CA10: variants seen among roughly 807,000 people sequenced by gnomAD.
The protein encoded by CA10 is carbonic anhydrase 10 (inactive).
In CA10, 14 loss-of-function variants were observed where a neutral mutation model predicts 44.2. The ratio of observed to expected loss-of-function variants is 0.32; its 90% CI spans 0.21 to 0.50. The LOEUF (loss-of-function observed/expected upper bound fraction) is 0.50. CA10 is among the 20% of genes least tolerant of loss of function. CA10 has a pLI of 0.99. For missense variants in CA10, 350 were observed against 409.7 expected (o/e 0.85, Z 1.26); for synonymous variants, 159 against 141.6 (o/e 1.12, Z -0.87).
At chr17:52,053,822 C>CT (rs1269517575) in intron 2 of CA10, among the ~76,000 whole-genome samples, 1 of 152,058 alleles carries the variant, frequency 6.6e-6, no homozygotes, top group East Asian at 1.9e-4. Context: ...TCATGCCCAT[C>CT]TTTACTGCAA....
At chr17:51,768,148 G>C (rs951084286) in intron 3 of CA10, among the ~76,000 whole-genome samples, 3 of 151,520 alleles carry the variant, frequency 2.0e-5, no homozygotes, top group Non-Finnish European at 4.4e-5. Context: ...TTGTAGCCTG[G>C]ATCCACATAA....
chr17:51,630,846 A>G lies in CA10; in HGVS notation c.*738T>C, dbSNP rs1051933431. On this transcript the variant is annotated 3_prime_UTR_variant, in exon 9 of 9. Transcript: ENST00000451037. Reference sequence around the variant, plus strand: ...ATGTATGACCTTTGGAAAACAAGAAACAGCAAATGGATCATTTCTGATCTT... The same window carrying G: ...ATGTATGACCTTTGGAAAACAAGAAGCAGCAAATGGATCATTTCTGATCTT... 1 of 152,682 alleles carries G rather than the reference A, an allele frequency of 6.5e-6. No homozygotes were observed. The highest frequency in any genetic ancestry group is 1.5e-5 in the Non-Finnish European group (1 of 68,054). 9.5% of individuals were successfully genotyped at this position (152,682 alleles called of 1,614,324 possible). A position where few individuals can be genotyped will look rare whatever the true frequency, so the allele number is the denominator to read the frequency against.
intron 2 of CA10, among the ~76,000 whole-genome samples, chr17:51,956,154 T>C (rs942707792): frequency 8.7e-6 from 1 of 115,562 alleles, no homozygotes; most frequent in African/African-American, 3.3e-5. Context: ...ATCTCAACAT[T>C]CTGCCATTTG....
chr17:52,042,367 A>G (rs1986794406), intron 2 of CA10, among the ~76,000 whole-genome samples: 2 of 151,980 alleles, frequency 1.3e-5, no homozygotes, highest in South Asian at 2.1e-4. Context: ...CTTTTCATGT[A>G]CCTGCTGGTC....
chr17:51,993,579 G>T (rs184352068), intron 2 of CA10, among the ~76,000 whole-genome samples: 2 of 152,120 alleles, frequency 1.3e-5, no homozygotes, highest in Admixed American at 1.3e-4. Context: ...TAAATTCACG[G>T]TGGAATGTGA....
chr17:52,002,959 T>C (rs1298185906), intron 2 of CA10, among the ~76,000 whole-genome samples: 2 of 152,032 alleles, frequency 1.3e-5, no homozygotes, highest in Non-Finnish European at 2.9e-5. Flanking sequence ...CTTTCCATTA[T>C]ACAATCCTTC....
chr17:52,134,809 G>C (rs7218252), intron 1 of CA10: 35,007 of 513,136 alleles, frequency 0.068, 1,820 homozygotes, highest in African/African-American at 0.2. Context: ...ACTGTGCCCT[G>C]GCACCATGGA....
intron 4 of CA10, among the ~76,000 whole-genome samples, chr17:51,675,297 T>G (rs527799801): frequency 6.6e-6 from 1 of 152,142 alleles, no homozygotes; most frequent in Non-Finnish European, 1.5e-5. Flanking sequence ...TGGTGGCTCA[T>G]GCCTATAATC....
chr17:51,675,389 A>G (rs1914586801), intron 4 of CA10, among the ~76,000 whole-genome samples: 1 of 152,082 alleles, frequency 6.6e-6, no homozygotes, highest in South Asian at 2.1e-4. Flanking sequence ...GCAAAACCCC[A>G]TCTCTACTAA....
chr17:52,131,063 C>T (rs1390309264), intron 1 of CA10, among the ~76,000 whole-genome samples: 1 of 151,310 alleles, frequency 6.6e-6, no homozygotes, highest in African/African-American at 2.4e-5. Flanking sequence ...AATCAAAACA[C>T]AATATTACAT....
chr17:51,742,394 G>A (rs1359075533), intron 4 of CA10, among the ~76,000 whole-genome samples: 1 of 152,166 alleles, frequency 6.6e-6, no homozygotes, highest in East Asian at 1.9e-4. Context: ...CTCCTCACAA[G>A]CCATTCATTG....
chr17:51,696,831 C>A (rs1181357071), intron 4 of CA10, among the ~76,000 whole-genome samples: 3 of 152,014 alleles, frequency 2.0e-5, no homozygotes, highest in Non-Finnish European at 4.4e-5. Context: ...TTGGATAGAA[C>A]CACAAAAGCA....
chr17:52,072,717 A>ACACAAC (rs59430467), intron 1 of CA10, among the ~76,000 whole-genome samples: 4 of 106,520 alleles, frequency 3.8e-5, no homozygotes, highest in African/African-American at 1.7e-4. Context: ...ACACACACAC[A>ACACAAC]ACACACACAC....
At chr17:51,682,480 T>G (rs966966546) in intron 4 of CA10, among the ~76,000 whole-genome samples, 1 of 152,204 alleles carries the variant, frequency 6.6e-6, no homozygotes, top group Non-Finnish European at 1.5e-5. Flanking sequence ...GTGGGTTTTA[T>G]AAATCAGCAG....
intron 4 of CA10, among the ~76,000 whole-genome samples, chr17:51,675,627 A>G (rs1001577806): frequency 2.0e-5 from 3 of 151,648 alleles, no homozygotes; most frequent in Admixed American, 2.0e-4. Flanking sequence ...GAGGCAGGAG[A>G]ATTGCTTGAA....
At chr17:52,086,405 TGTGTAGGTCAA>T (rs1157408697) in intron 1 of CA10, among the ~76,000 whole-genome samples, 2 of 152,264 alleles carry the variant, frequency 1.3e-5, no homozygotes, top group Non-Finnish European at 2.9e-5. Flanking sequence ...GCCGCTATGC[TGTGTAGGTCAA>T]GCCAGAATGG....
chr17:51,678,545 T>C (rs1306289986), intron 4 of CA10, among the ~76,000 whole-genome samples: 3 of 152,220 alleles, frequency 2.0e-5, no homozygotes, highest in Non-Finnish European at 4.4e-5. Context: ...AGATGACGAA[T>C]ACGCAGCCCT....
intron 4 of CA10, among the ~76,000 whole-genome samples, chr17:51,707,214 C>G (rs1915788530): frequency 6.6e-6 from 1 of 152,146 alleles, no homozygotes; most frequent in South Asian, 2.1e-4. Flanking sequence ...TGTGTATGCT[C>G]AGAAACTGTC....
intron 1 of CA10, among the ~76,000 whole-genome samples, chr17:52,122,198 C>T (rs1989028516): frequency 6.6e-6 from 1 of 152,026 alleles, no homozygotes; most frequent in Admixed American, 6.6e-5. Context: ...GCAGGTAAGG[C>T]AAAATTTAAG....
Sources: gnomAD v4.1 joint callset for allele counts (sites outside exome capture counted in the v4.1 genomes callset) on GRCh38, gnomAD v4.1.1 for gene constraint, MANE v1.5 for transcripts, NCBI Gene and HGNC (gene_info 2026-07-23, HGNC 2026-07-21) for gene names.